TLL2: variants seen among roughly 807,000 people sequenced by gnomAD.
TLL2 encodes the protein tolloid like 2.
A neutral mutation model predicts 123.0 loss-of-function variants in TLL2; 106 were observed. That is an observed-to-expected ratio of 0.86 (90% CI 0.74 to 1.01). The LOEUF is 1.01. Among genes scored for constraint, TLL2 ranks in the 50% least tolerant of loss-of-function variants. The pLI, the probability that TLL2 is intolerant of heterozygous loss-of-function variation, is 0.00. For missense variants in TLL2, 1,332 were observed against 1,336.7 expected, an observed-to-expected ratio of 1.00 and a Z score of 0.06; for synonymous variants, 494 against 516.8, an observed-to-expected ratio of 0.96 and a Z score of 0.60.
At chr10:96,472,195 C>T (rs556616069) in intron 2 of TLL2, among the ~76,000 whole-genome samples, 35 of 152,234 alleles carry the variant, frequency 2.3e-4, no homozygotes, top group Non-Finnish European at 4.9e-4. Flanking sequence ...CAATGCATGA[C>T]GTGAGAGAAG....
chr10:96,487,043 G>A (rs958946710), intron 1 of TLL2, among the ~76,000 whole-genome samples: 2 of 152,218 alleles, frequency 1.3e-5, no homozygotes, highest in Admixed American at 6.5e-5. Context: ...GGGGAGGCAG[G>A]CTCATTAAAA....
At chr10:96,368,667 C>T (rs532755889) in intron 20 of TLL2, among the ~76,000 whole-genome samples, 65 of 152,314 alleles carry the variant, frequency 4.3e-4, no homozygotes, top group African/African-American at 1.5e-3. Context: ...TCCAGGGTCA[C>T]CATTATGATG....
chr10:96,442,082 C>G (rs1219090654), intron 3 of TLL2, among the ~76,000 whole-genome samples: 1 of 152,164 alleles, frequency 6.6e-6, no homozygotes, highest in Admixed American at 6.5e-5. Context: ...ATCCCATTAT[C>G]AGCCCTGAAA....
At chr10:96,450,674 A>G (rs543584551) in intron 2 of TLL2, among the ~76,000 whole-genome samples, 13 of 152,340 alleles carry the variant, frequency 8.5e-5, no homozygotes, top group African/African-American at 2.2e-4. Context: ...CTCCGTTTCA[A>G]TAAAAACTGG....
intron 10 of TLL2, among the ~76,000 whole-genome samples, chr10:96,403,487 G>C (rs971250571): frequency 3.3e-5 from 5 of 152,184 alleles, no homozygotes; most frequent in African/African-American, 1.2e-4. Context: ...AGGGATCTAG[G>C]GCTGCGCAGG....
chr10:96,385,930 T>A (rs1846230225), intron 15 of TLL2, 125 bp downstream of exon 15: 1 of 1,042,348 alleles, frequency 9.6e-7, no homozygotes, highest in Non-Finnish European at 1.3e-6. Flanking sequence ...CTAGCGCAGG[T>A]CCTAAGACTG....
At position 96,376,841 on chromosome 10, in the gene TLL2, A is replaced by G. The variant is rs1166383655; in HGVS notation, c.2321-22T>C. 6.0e-6 allele frequency: 9 copies of G among 1,503,168 alleles called. No individual in the cohort carries two copies. In the East Asian group the frequency reaches 1.3e-4, roughly 21 times the overall value. The allele number at this position is 1,503,168 out of a possible 1,614,324, so 93.1% of individuals were successfully genotyped here. Reference sequence around the variant, plus strand: ...CCAGCTGGGGGTGGCAGGGGGACACATACAAAGAGAGAAGTCATTCACTGT... The same window carrying G: ...CCAGCTGGGGGTGGCAGGGGGACACGTACAAAGAGAGAAGTCATTCACTGT... On this transcript the variant is annotated intron_variant, in intron 17 of 20. Coordinates refer to ENST00000357947, the MANE Select transcript of TLL2 (RefSeq NM_012465.4).
intron 9 of TLL2, among the ~76,000 whole-genome samples, chr10:96,406,797 T>C (rs1236111060): frequency 6.6e-6 from 1 of 152,154 alleles, no homozygotes; most frequent in Non-Finnish European, 1.5e-5. Context: ...CCTCCTCCAC[T>C]GTAGGAGATG....
intron 19 of TLL2, among the ~76,000 whole-genome samples, chr10:96,371,827 C>A (rs1000616374): frequency 1.3e-5 from 2 of 152,166 alleles, no homozygotes; most frequent in Admixed American, 6.5e-5. Context: ...GCGAGAGAAG[C>A]CAGGGTATTT....
chr10:96,485,941 T>G (rs1847350992), intron 1 of TLL2, among the ~76,000 whole-genome samples: 2 of 151,430 alleles, frequency 1.3e-5, no homozygotes, highest in Non-Finnish European at 1.5e-5. Context: ...CAATCAGGAA[T>G]ACTTCTCAAA....
intron 18 of TLL2, among the ~76,000 whole-genome samples, chr10:96,375,968 G>A (rs1846134771): frequency 6.6e-6 from 1 of 152,190 alleles, no homozygotes; most frequent in African/African-American, 2.4e-5. Context: ...GTCCCTGGGG[G>A]TTGAGAAATG....
chr10:96,501,206 G>A (rs567750156), intron 1 of TLL2, among the ~76,000 whole-genome samples: 1 of 152,292 alleles, frequency 6.6e-6, no homozygotes, highest in African/African-American at 2.4e-5. Flanking sequence ...TGTAGTTAAG[G>A]AAAACATTTC....
At position 96,428,673 on chromosome 10, in the gene TLL2, G is replaced by A. The variant is rs566307721; in HGVS notation, c.596C>T (p.Thr199Met). ...KHTCVTFIER[T>M]DEESFIVFSY... ...GAATACAATAAAGCTTTCCTCATCC[G>A]TCCTTTCTATGAAGGTCACACAGGT... is the stretch of plus-strand genomic sequence containing the variant. The change falls in exon 5 of 21, where the codon ACG becomes ATG. Residue 199 changes from threonine (T) to methionine (M), a missense_variant. Transcript: ENST00000357947. 1.2e-5 allele frequency: 20 copies of A among 1,613,956 alleles called. No individual in the cohort carries two copies. The highest frequency in any genetic ancestry group is 1.7e-4 in the Middle Eastern group (1 of 6,058).
intron 1 of TLL2, among the ~76,000 whole-genome samples, chr10:96,501,738 A>C (rs1054576292): frequency 4.6e-5 from 7 of 152,214 alleles, no homozygotes; most frequent in African/African-American, 1.7e-4. Context: ...GCATCCTTCC[A>C]GACCCGCCTC....
intron 2 of TLL2, among the ~76,000 whole-genome samples, chr10:96,474,428 A>C (rs1847216507): frequency 1.3e-5 from 2 of 152,238 alleles, no homozygotes; most frequent in African/African-American, 4.8e-5. Flanking sequence ...GAGATGGATA[A>C]AGAGGCTTGA....
At chr10:96,448,101 G>C (rs1238765974) in intron 2 of TLL2, among the ~76,000 whole-genome samples, 1 of 152,196 alleles carries the variant, frequency 6.6e-6, no homozygotes, top group Non-Finnish European at 1.5e-5. Context: ...AGTGGCTGCA[G>C]CTGCCAGGTC....
intron 2 of TLL2, among the ~76,000 whole-genome samples, chr10:96,457,860 A>C (rs1189379790): frequency 6.6e-6 from 1 of 152,194 alleles, no homozygotes; most frequent in African/African-American, 2.4e-5. Context: ...AGATTCTAGA[A>C]TAAACTTCTC....
intron 5 of TLL2, among the ~76,000 whole-genome samples, chr10:96,426,380 G>A (rs967024320): frequency 5.9e-5 from 9 of 151,478 alleles, no homozygotes; most frequent in South Asian, 2.1e-4. Flanking sequence ...TATTTATTTG[G>A]TGCCATCCTT....
intron 1 of TLL2, among the ~76,000 whole-genome samples, chr10:96,501,635 T>C (rs1198210762): frequency 6.6e-6 from 1 of 152,228 alleles, no homozygotes; most frequent in East Asian, 1.9e-4. Context: ...AATCTCCAAC[T>C]CCAGACACAT....
Sources: allele counts gnomAD v4.1 joint callset (sites outside exome capture counted in the v4.1 genomes callset), GRCh38; gene constraint gnomAD v4.1.1; transcripts MANE v1.5; gene names NCBI Gene and HGNC (gene_info 2026-07-23, HGNC 2026-07-21).